Variants in CUL1 observed in about 807,000 individuals in gnomAD.
The protein encoded by CUL1 is cullin-1.
In CUL1, 24 loss-of-function variants were observed where a neutral mutation model predicts 118.0. That is an observed-to-expected ratio of 0.20 (90% CI 0.15 to 0.29). CUL1 has a LOEUF of 0.29. CUL1 is among the 10% of genes least tolerant of loss of function. CUL1 has a pLI of 1.00. For synonymous variants in CUL1, 332 were observed against 340.4 expected, an observed-to-expected ratio of 0.98 and a Z score of 0.27; for missense variants, 361 against 933.8, an observed-to-expected ratio of 0.39 and a Z score of 7.99.
chr7:148,796,843 A>G (rs953655105), intron 17 of CUL1, among the ~76,000 whole-genome samples: 14 of 152,310 alleles, frequency 9.2e-5, no homozygotes, highest in African/African-American at 3.1e-4. Flanking sequence ...TGCAGTGGGC[A>G]GTATTCGAAT....
chr7:148,754,752 CTT>C (rs879470066), intron 3 of CUL1, among the ~76,000 whole-genome samples: 5 of 143,282 alleles, frequency 3.5e-5, no homozygotes, highest in African/African-American at 2.5e-5. Context: ...TTTTCTTTTC[CTT>C]TTTTTTTTTT....
chr7:148,726,052 G>A (rs942278499), intron 1 of CUL1, among the ~76,000 whole-genome samples: 1 of 152,186 alleles, frequency 6.6e-6, no homozygotes, highest in African/African-American at 2.4e-5. Context: ...AAGTTACCAT[G>A]CATAGATCTG....
At chr7:148,758,565 C>T (rs1261884374) in intron 4 of CUL1, among the ~76,000 whole-genome samples, 2 of 152,100 alleles carry the variant, frequency 1.3e-5, no homozygotes, top group Non-Finnish European at 2.9e-5. Flanking sequence ...TTCAGTGAGC[C>T]ATGGTGGTAC....
chr7:148,708,196 G>C (rs1343555853), intron 1 of CUL1, among the ~76,000 whole-genome samples: 1 of 152,198 alleles, frequency 6.6e-6, no homozygotes, highest in Non-Finnish European at 1.5e-5. Context: ...AGCAACTTCA[G>C]CTGAGAGCCT....
chr7:148,762,181 G>C (rs1281446490), intron 7 of CUL1, among the ~76,000 whole-genome samples: 1 of 152,142 alleles, frequency 6.6e-6, no homozygotes, highest in Non-Finnish European at 1.5e-5. Flanking sequence ...TGTTCACTTG[G>C]AGTATGAATG....
intron 1 of CUL1, among the ~76,000 whole-genome samples, chr7:148,721,165 A>C (rs1390548071): frequency 6.6e-6 from 1 of 152,210 alleles, no homozygotes; most frequent in East Asian, 1.9e-4. Context: ...TGTATGTAGC[A>C]AATAGATCAC....
At chr7:148,749,415 C>CAA (rs61460309) in intron 2 of CUL1, among the ~76,000 whole-genome samples, 1,541 of 56,416 alleles carry the variant, frequency 0.027, 190 homozygotes, top group African/African-American at 0.099. Context: ...GACTCCATCT[C>CAA]AAAAAAAAAA....
At chr7:148,789,957 G>C (rs1800949956) in intron 15 of CUL1, 131 bp downstream of exon 15, 1 of 849,900 alleles carries the variant, frequency 1.2e-6, no homozygotes, top group African/African-American at 1.7e-5. Flanking sequence ...GAACCATGGG[G>C]GCAACACTCA....
intron 1 of CUL1, among the ~76,000 whole-genome samples, chr7:148,711,395 C>T (rs1390809879): frequency 6.6e-6 from 1 of 152,142 alleles, no homozygotes; most frequent in Admixed American, 6.5e-5. Context: ...TCACTGTGAG[C>T]CTTGAGTGGT....
In CUL1 at chr7:148,800,679, T is replaced by C. The variant is rs1801358767; in HGVS notation, c.*97T>C. Reference sequence around the variant, plus strand: ...GTTCATAGCAGCCAGCCTGCCGCCATTGGACCTCCCTTTTAAAAACTGAGA... The same window carrying C: ...GTTCATAGCAGCCAGCCTGCCGCCACTGGACCTCCCTTTTAAAAACTGAGA... On this transcript the variant is annotated 3_prime_UTR_variant, in exon 22 of 22. Transcript: ENST00000325222. This position sits in a 1 kb window ranked among gnomAD's most constrained non-coding sequence, Gnocchi z 4.6. 3.3e-6 allele frequency: 3 copies of C among 922,632 alleles called. No homozygotes were observed. The highest frequency in any genetic ancestry group is 2.2e-5 in the Admixed American group (1 of 46,056). 57.2% of individuals were successfully genotyped at this position (922,632 alleles called of 1,614,324 possible). A position where few individuals can be genotyped will look rare whatever the true frequency, so the allele number is the denominator to read the frequency against.
intron 9 of CUL1, among the ~76,000 whole-genome samples, chr7:148,770,315 T>A (rs1019521427): frequency 6.6e-6 from 1 of 152,212 alleles, no homozygotes; most frequent in African/African-American, 2.4e-5. Context: ...AAAACAAGAT[T>A]TTCTCCCGTG....
At chr7:148,772,737 G>A (rs2129461423) in intron 9 of CUL1, among the ~76,000 whole-genome samples, 1 of 152,286 alleles carries the variant, frequency 6.6e-6, no homozygotes, top group East Asian at 1.9e-4. Flanking sequence ...CCATTCCTTA[G>A]CACAGAGGTG....
At chr7:148,757,270 A>G (rs1453596297) in intron 4 of CUL1, 120 bp downstream of exon 4, 3 of 509,100 alleles carry the variant, frequency 5.9e-6, no homozygotes, top group Non-Finnish European at 9.4e-6. Flanking sequence ...ATAGTAAACT[A>G]ATTTTCATTG....
chr7:148,772,991 C>T (rs1473547809), intron 9 of CUL1, among the ~76,000 whole-genome samples: 2 of 151,966 alleles, frequency 1.3e-5, no homozygotes, highest in Non-Finnish European at 2.9e-5. Context: ...CTCTCCAGTC[C>T]CAAGGCTACC....
At chr7:148,788,802 A>C (rs1009478380) in intron 14 of CUL1, 128 bp downstream of exon 14, 3 of 692,162 alleles carry the variant, frequency 4.3e-6, no homozygotes, top group Non-Finnish European at 7.5e-6. Flanking sequence ...GAAGCGGGAG[A>C]TTCCTCCCAA....
At chr7:148,717,090 C>T (rs369235064) in intron 1 of CUL1, among the ~76,000 whole-genome samples, 12 of 143,326 alleles carry the variant, frequency 8.4e-5, no homozygotes, top group East Asian at 4.2e-4. Flanking sequence ...GATGGAATCT[C>T]GCTCTGTCAC....
chr7:148,791,441 G>C (rs1164473263), intron 16 of CUL1, among the ~76,000 whole-genome samples: 1 of 152,208 alleles, frequency 6.6e-6, no homozygotes, highest in South Asian at 2.1e-4. Flanking sequence ...TTATCAACTT[G>C]AATGTTTCTT....
At chr7:148,781,078 G>C (rs1376248770) in intron 9 of CUL1, among the ~76,000 whole-genome samples, 1 of 41,558 alleles carries the variant, frequency 2.4e-5, no homozygotes, top group East Asian at 5.4e-4. Flanking sequence ...TTCAAGGCCA[G>C]ATTTTTTTTT....
chr7:148,776,683 T>C (rs1322115483), intron 9 of CUL1, among the ~76,000 whole-genome samples: 1 of 152,156 alleles, frequency 6.6e-6, no homozygotes, highest in Non-Finnish European at 1.5e-5. Flanking sequence ...ACTTTAATCA[T>C]TTCACAAGCA....
Sources: allele counts gnomAD v4.1 joint callset (sites outside exome capture counted in the v4.1 genomes callset), GRCh38; gene constraint gnomAD v4.1.1; non-coding constraint Gnocchi (gnomAD v3.1); transcripts MANE v1.5; gene names NCBI Gene and HGNC (gene_info 2026-07-23, HGNC 2026-07-21).